SDK2: variants seen among roughly 807,000 people sequenced by gnomAD.
The protein encoded by SDK2 is protein sidekick-2.
In SDK2, 105 loss-of-function variants were observed where a neutral mutation model predicts 253.9. The ratio of observed to expected loss-of-function variants is 0.41; its 90% CI spans 0.35 to 0.49. SDK2 has a LOEUF of 0.49. Among genes scored for constraint, SDK2 ranks in the 20% least tolerant of loss-of-function variants. SDK2 has a pLI of 0.06. For missense variants in SDK2, 2,608 were observed against 3,003.0 expected (o/e 0.87, Z 3.07); for synonymous variants, 1,249 against 1,234.9 (o/e 1.01, Z -0.24).
At chr17:73,577,275 CA>C (rs1421247083) in intron 1 of SDK2, among the ~76,000 whole-genome samples, 1 of 152,098 alleles carries the variant, frequency 6.6e-6, no homozygotes, top group Non-Finnish European at 1.5e-5. Context: ...GGAATTTATC[CA>C]AAAAAACTCT....
chr17:73,387,726 T>G (rs2062884805), intron 30 of SDK2, 110 bp downstream of exon 30: 2 of 990,342 alleles, frequency 2.0e-6, no homozygotes, highest in Non-Finnish European at 2.9e-6. Flanking sequence ...GGAGGAGAGC[T>G]GGGGGCAGGC....
chr17:73,376,868 C>T (rs1037031587), intron 36 of SDK2, among the ~76,000 whole-genome samples: 2 of 152,176 alleles, frequency 1.3e-5, no homozygotes, highest in Non-Finnish European at 2.9e-5. Flanking sequence ...TTCCTCCTTC[C>T]TTCCTCCTCC....
Position 73,447,304 on chromosome 17 carries a change from G to A in SDK2, c.613+311C>T, listed in dbSNP as rs1253389288. Among the ~76,000 whole-genome samples the A allele has an allele frequency of 6.6e-6, 1 of 151,966 alleles. No homozygotes were observed. Among genetic ancestry groups the A allele is most frequent in the Admixed American group, 6.5e-5 (1 of 15,268 alleles). The stretch of plus-strand genomic sequence containing the variant: ...GTGGCTGCAACTCACACATGCACAC[G>A]CTCTTCCTCTGCCCCACCCCTCCCT... On this transcript the variant is annotated intron_variant, in intron 5 of 44. Transcript: ENST00000392650. The surrounding 1 kb of genome is among the most constrained non-coding windows in gnomAD (Gnocchi z 4.0).
intron 2 of SDK2, among the ~76,000 whole-genome samples, chr17:73,479,189 C>T (rs886358760): frequency 2.0e-5 from 3 of 152,270 alleles, no homozygotes; most frequent in Non-Finnish European, 4.4e-5. Flanking sequence ...TGCCTGCTGC[C>T]TGCAGGTGTC....
intron 41 of SDK2, among the ~76,000 whole-genome samples, chr17:73,351,469 T>A (rs1249710947): frequency 6.6e-6 from 1 of 152,180 alleles, no homozygotes; most frequent in African/African-American, 2.4e-5. Context: ...TACCTAAATC[T>A]GTGTGGGGAA....
At chr17:73,389,795 G>A (rs1376263623) in intron 29 of SDK2, among the ~76,000 whole-genome samples, 1 of 152,170 alleles carries the variant, frequency 6.6e-6, no homozygotes, top group African/African-American at 2.4e-5. Context: ...TGTCACCCAG[G>A]CTGGAGTGCA....
intron 1 of SDK2, among the ~76,000 whole-genome samples, chr17:73,528,848 C>T (rs9910551): frequency 0.34 from 52,231 of 151,992 alleles, 9,324 homozygotes; most frequent in East Asian, 0.6. Flanking sequence ...AGATAACTTA[C>T]GGACCAATCA....
intron 1 of SDK2, among the ~76,000 whole-genome samples, chr17:73,554,342 C>T (rs1398749476): frequency 1.3e-5 from 2 of 152,162 alleles, no homozygotes; most frequent in Non-Finnish European, 2.9e-5. Context: ...GCCACGGTAC[C>T]TCAGAATGCA....
At chr17:73,572,699 T>C (rs1472729697) in intron 1 of SDK2, among the ~76,000 whole-genome samples, 1 of 152,190 alleles carries the variant, frequency 6.6e-6, no homozygotes, top group Non-Finnish European at 1.5e-5. Context: ...ACTGACTGAC[T>C]GAATGAATGA....
Position 73,639,352 on chromosome 17 carries a change from C to G in SDK2, c.64+4673G>C, listed in dbSNP as rs999800116. Reference sequence around the variant, plus strand: ...CCTGCAGTCCCCTCTCTCCCTTCCCCCGGGGATGCTGAGCATCCCTGCTCA... The same window carrying G: ...CCTGCAGTCCCCTCTCTCCCTTCCCGCGGGGATGCTGAGCATCCCTGCTCA... On this transcript the variant is annotated intron_variant, in intron 1 of 44. Coordinates refer to ENST00000392650, the MANE Select transcript of SDK2 (RefSeq NM_001144952.2). The surrounding 1 kb of genome is among the most constrained non-coding windows in gnomAD (Gnocchi z 4.3). Among the ~76,000 whole-genome samples the G allele has an allele frequency of 6.6e-6, 1 of 152,146 alleles. No homozygotes were observed. The highest frequency in any genetic ancestry group is 6.5e-5 in the Admixed American group (1 of 15,288).
rs2062808178 is a variant in SDK2 at position 73,379,033 on chromosome 17, AC to A, written c.4980+143del. On this transcript the variant is annotated intron_variant, in intron 36 of 44. Transcript: ENST00000392650. The surrounding 1 kb of genome is among the most constrained non-coding windows in gnomAD (Gnocchi z 4.5). Reference sequence around the variant, plus strand: ...TCCAAACAGCCAAGGTGGCAGGTGTACCACAGAGCCTGAAGGGCCGAGGAGC... The same window carrying A: ...TCCAAACAGCCAAGGTGGCAGGTGTACACAGAGCCTGAAGGGCCGAGGAGC... 9.4e-6 allele frequency: 6 copies of A among 635,942 alleles called. No homozygotes were observed. The highest frequency in any genetic ancestry group is 1.7e-5 in the Non-Finnish European group (6 of 358,528). The allele number at this position is 635,942 out of a possible 1,614,324, so 39.4% of individuals were successfully genotyped here.
At chr17:73,518,231 G>A (rs936070813) in intron 1 of SDK2, 1 of 152,008 alleles carries the variant, frequency 6.6e-6, no homozygotes, top group Admixed American at 6.6e-5. Flanking sequence ...CCCTCTGGGG[G>A]ATGACCTTAC....
At chr17:73,356,380 C>T (rs2062592377) in intron 40 of SDK2, among the ~76,000 whole-genome samples, 1 of 152,198 alleles carries the variant, frequency 6.6e-6, no homozygotes, top group African/African-American at 2.4e-5. Context: ...GCTCTAGCCG[C>T]CAGCCCCGGG....
At chr17:73,456,199 C>T (rs1377670676) in intron 3 of SDK2, 146 bp from the exon 4 acceptor site, 1 of 839,306 alleles carries the variant, frequency 1.2e-6, no homozygotes, top group Non-Finnish European at 1.7e-6. Flanking sequence ...TTGCTCGGGC[C>T]ACCCCATTCT....
intron 1 of SDK2, among the ~76,000 whole-genome samples, chr17:73,572,955 T>C (rs2045409286): frequency 6.6e-6 from 1 of 152,190 alleles, no homozygotes. Flanking sequence ...TCTTTCTTCC[T>C]GGACCAGGAA....
intron 1 of SDK2, among the ~76,000 whole-genome samples, chr17:73,590,659 C>A (rs1599706883): frequency 6.6e-6 from 1 of 152,214 alleles, no homozygotes; most frequent in African/African-American, 2.4e-5. Flanking sequence ...CGGAGAGTCA[C>A]TCCTTGTCTA....
At chr17:73,521,042 T>C (rs2064074587) in intron 1 of SDK2, 2 of 56,698 alleles carry the variant, frequency 3.5e-5, no homozygotes, top group African/African-American at 2.5e-4. Context: ...AATGATTTTT[T>C]TTTTTTTTTT....
chr17:73,469,676 C>A (rs898495528), intron 3 of SDK2, among the ~76,000 whole-genome samples: 5 of 152,142 alleles, frequency 3.3e-5, no homozygotes, highest in East Asian at 3.9e-4. Flanking sequence ...GAGTTCCCCC[C>A]ACCCTGGGTT....
At chr17:73,390,259 G>A (rs1487576678) in intron 29 of SDK2, 28 bp downstream of exon 29, 2 of 1,524,008 alleles carry the variant, frequency 1.3e-6, no homozygotes, top group Non-Finnish European at 1.8e-6. Context: ...CTGCCCCCAA[G>A]CCTTCCCTGG....
Sources: gnomAD v4.1 joint callset for allele counts (sites outside exome capture counted in the v4.1 genomes callset) on GRCh38, gnomAD v4.1.1 for gene constraint, Gnocchi (gnomAD v3.1) non-coding constraint, MANE v1.5 for transcripts, NCBI Gene and HGNC (gene_info 2026-07-23, HGNC 2026-07-21) for gene names.